RNASEH2B: variants seen among roughly 807,000 people sequenced by gnomAD.
The protein encoded by RNASEH2B is ribonuclease H2 subunit B.
In RNASEH2B, 36 loss-of-function variants were observed where a neutral mutation model predicts 45.0. That is an observed-to-expected ratio of 0.80 (90% CI 0.61 to 1.06). The LOEUF (loss-of-function observed/expected upper bound fraction) is 1.06, where lower values mean the gene tolerates loss of function less well. RNASEH2B is among the 50% of genes least tolerant of loss of function. The pLI is 0.00. For synonymous variants in RNASEH2B, 119 were observed against 125.7 expected (o/e 0.95, Z 0.35); for missense variants, 361 against 360.3 (o/e 1.00, Z -0.02).
intron 7 of RNASEH2B, among the ~76,000 whole-genome samples, chr13:50,946,263 ATTATTC>A (rs1951899689): frequency 6.6e-6 from 1 of 152,230 alleles, no homozygotes; most frequent in Non-Finnish European, 1.5e-5. Context: ...TGAGACAGAA[ATTATTC>A]TGACGTTAAA....
At chr13:50,930,658 C>T in intron 3 of RNASEH2B, 25 bp from the exon 4 acceptor site, 2 of 1,552,654 alleles carry the variant, frequency 1.3e-6, no homozygotes, top group Non-Finnish European at 1.8e-6. Context: ...CGTTTAATTC[C>T]CTTCATCCTT....
At chr13:50,923,045 T>A (rs1239885384) in intron 1 of RNASEH2B, among the ~76,000 whole-genome samples, 1 of 152,146 alleles carries the variant, frequency 6.6e-6, no homozygotes, top group Non-Finnish European at 1.5e-5. Flanking sequence ...AAAAATTCAC[T>A]TGTGAGCTCA....
downstream of RNASEH2B, among the ~76,000 whole-genome samples, chr13:50,957,864 T>A (rs907917387): frequency 6.6e-6 from 1 of 152,224 alleles, no homozygotes; most frequent in Non-Finnish European, 1.5e-5. Flanking sequence ...TTAGTGATGA[T>A]GGGCGTTTTT....
chr13:50,966,788 G>A (rs1952169103), intron 9 of RNASEH2B, among the ~76,000 whole-genome samples: 1 of 152,106 alleles, frequency 6.6e-6, no homozygotes, highest in Non-Finnish European at 1.5e-5. Flanking sequence ...AGACACAAAG[G>A]CAAGCTCTAA....
At chr13:50,929,995 GCTTTGTCAT>G in intron 3 of RNASEH2B, 2 of 269,126 alleles carry the variant, frequency 7.4e-6, no homozygotes, top group South Asian at 4.2e-5. Flanking sequence ...TCTTTAAAAT[GCTTTGTCAT>G]ATACCTGCCT....
intron 1 of RNASEH2B, chr13:50,910,521 G>A (rs1380352536): frequency 5.5e-6 from 1 of 183,434 alleles, no homozygotes; most frequent in African/African-American, 2.4e-5. Flanking sequence ...TACTGGGTTG[G>A]AACCAGGGAT....
chr13:50,930,275 G>A, intron 3 of RNASEH2B: 2 of 305,978 alleles, frequency 6.5e-6, no homozygotes, highest in South Asian at 5.9e-5. Context: ...AAAAGCACAG[G>A]AAATTACATT....
At chr13:50,960,306 A>C (rs1434363421), downstream of RNASEH2B, 1 of 352,280 alleles carries the variant, frequency 2.8e-6, no homozygotes, top group Admixed American at 4.7e-5. Flanking sequence ...TAAAAATTGC[A>C]TGCAATTCTT....
At chr13:50,937,922 A>G (rs991438984) in intron 5 of RNASEH2B, 8 of 152,222 alleles carry the variant, frequency 5.3e-5, no homozygotes, top group African/African-American at 1.9e-4. Context: ...TCTATTCACC[A>G]TGTGGTGGAT....
intron 5 of RNASEH2B, chr13:50,940,884 A>C (rs1951825305): frequency 6.6e-6 from 1 of 152,202 alleles, no homozygotes; most frequent in Non-Finnish European, 1.5e-5. Context: ...AGGAAAGTGC[A>C]GACCTAGTGA....
intron 1 of RNASEH2B, among the ~76,000 whole-genome samples, chr13:50,920,584 T>C (rs913117571): frequency 2.0e-5 from 3 of 152,248 alleles, no homozygotes; most frequent in Admixed American, 6.5e-5. Context: ...TTTTCTTTTT[T>C]TGTGAAAATA....
At chr13:50,945,160 A>G (rs528167114) in intron 6 of RNASEH2B, among the ~76,000 whole-genome samples, 15 of 152,306 alleles carry the variant, frequency 9.8e-5, no homozygotes, top group African/African-American at 3.6e-4. Context: ...CTCCAGAGTC[A>G]GCTCTCAGTT....
intron 1 of RNASEH2B, among the ~76,000 whole-genome samples, chr13:50,919,670 G>A (rs945322702): frequency 1.3e-5 from 2 of 152,112 alleles, no homozygotes; most frequent in Admixed American, 1.3e-4. Flanking sequence ...AAGAGGTATG[G>A]GACTTCAGAT....
In RNASEH2B at chr13:50,949,797, A is replaced by G. The variant is rs574227210; in HGVS notation, c.741+292A>G. Among the ~76,000 whole-genome samples, 32 of 152,342 alleles carry G rather than the reference A, an allele frequency of 2.1e-4. No individual in the cohort carries two copies. In the South Asian group the frequency reaches 6.4e-3, roughly 31 times the overall value. On this transcript the variant is annotated intron_variant, in intron 9 of 10. Coordinates refer to ENST00000336617, the MANE Select transcript of RNASEH2B (RefSeq NM_024570.4). ...AGTTAAAATTAAATCTTCCTGCATTAGTTAGATCACTTAATTAAATTTAGT... is the reference window on the plus strand; with the variant it reads ...AGTTAAAATTAAATCTTCCTGCATTGGTTAGATCACTTAATTAAATTTAGT...
chr13:50,949,484 A>G lies in RNASEH2B; in HGVS notation c.720A>G (p.Ser240=), dbSNP rs761005167. The G allele has an allele frequency of 6.2e-6, 10 of 1,613,548 alleles. No homozygotes were observed. Among genetic ancestry groups the G allele is most frequent in the African/African-American group, 5.3e-5 (4 of 75,026 alleles). ...KYLKLPEPSA[S]LPNPPSKKIK... Reference sequence around the variant, plus strand: ...TTAGGCTTCCAGAACCTTCAGCCTCATTGCCAAATCCTCCATCAAAGGTAA... The same window carrying G: ...TTAGGCTTCCAGAACCTTCAGCCTCGTTGCCAAATCCTCCATCAAAGGTAA... Residue 240 remains serine (S), a synonymous_variant, in exon 9 of 11, where the codon TCA becomes TCG. Transcript: ENST00000336617.
intron 10 of RNASEH2B, 27 bp from the exon 11 acceptor site, chr13:50,956,331 A>G: frequency 3.2e-6 from 5 of 1,542,284 alleles, no homozygotes; most frequent in Non-Finnish European, 4.4e-6. Flanking sequence ...ATTCATAACA[A>G]TTTTTCTCTC....
chr13:50,944,456 G>A (rs1260469093), intron 6 of RNASEH2B, among the ~76,000 whole-genome samples: 1 of 151,828 alleles, frequency 6.6e-6, no homozygotes, highest in Non-Finnish European at 1.5e-5. Context: ...TGTTTCGGGG[G>A]TTAGGGGCAA....
chr13:50,936,104 A>T (rs560361562), intron 5 of RNASEH2B: 1 of 152,358 alleles, frequency 6.6e-6, no homozygotes, highest in African/African-American at 2.4e-5. Flanking sequence ...CACAGGGAAC[A>T]TGGGCTGGAG....
chr13:50,910,150 C>A lies in RNASEH2B; in HGVS notation c.64+10C>A. 1 of 1,427,860 alleles carries A rather than the reference C, an allele frequency of 7.0e-7. No homozygotes were observed. The highest frequency in any genetic ancestry group is 9.2e-7 in the Non-Finnish European group (1 of 1,091,012). 88.4% of individuals were successfully genotyped at this position (1,427,860 alleles called of 1,614,324 possible). A position where few individuals can be genotyped will look rare whatever the true frequency, so the allele number is the denominator to read the frequency against. ...GTGTTCCTGGTTTCAGGTAAACACG[C>A]GCGCCCGGGCGGCGGGGTCGGCCCA... On this transcript the variant is annotated intron_variant, in intron 1 of 10. Transcript: ENST00000336617.
Sources: allele counts gnomAD v4.1 joint callset (sites outside exome capture counted in the v4.1 genomes callset), GRCh38; gene constraint gnomAD v4.1.1; transcripts MANE v1.5; gene names NCBI Gene and HGNC (gene_info 2026-07-23, HGNC 2026-07-21).